Variants in ADAM12 observed in about 807,000 individuals in gnomAD.
ADAM12 encodes the protein disintegrin and metalloproteinase domain-containing protein 12.
ADAM12 carries 70 observed loss-of-function variants against 106.4 expected under a neutral mutation model. The ratio of observed to expected loss-of-function variants is 0.66; its 90% confidence interval spans 0.54 to 0.80. The LOEUF is 0.80. Among genes scored for constraint, ADAM12 ranks in the 30% least tolerant of loss-of-function variants. ADAM12 has a pLI of 0.00. For synonymous variants in ADAM12, 420 were observed against 433.5 expected (o/e 0.97, Z 0.39); for missense variants, 1,010 against 1,171.9 (o/e 0.86, Z 2.02).
intron 1 of ADAM12, among the ~76,000 whole-genome samples, chr10:126,376,416 G>A (rs920939822): frequency 6.6e-6 from 1 of 152,158 alleles, no homozygotes; most frequent in African/African-American, 2.4e-5. Flanking sequence ...TTGAAACTGA[G>A]TGATAGAAAC....
chr10:126,087,933 G>A (rs1050846834), intron 11 of ADAM12, among the ~76,000 whole-genome samples: 2 of 152,130 alleles, frequency 1.3e-5, no homozygotes, highest in Admixed American at 1.3e-4. Context: ...TTCAGGGAGC[G>A]GTCTGCCCAG....
At chr10:126,188,863 T>C (rs958549703) in intron 3 of ADAM12, among the ~76,000 whole-genome samples, 1 of 152,186 alleles carries the variant, frequency 6.6e-6, no homozygotes, top group Admixed American at 6.5e-5. Flanking sequence ...TCCATTCATC[T>C]ATTTGTCGCC....
intron 2 of ADAM12, among the ~76,000 whole-genome samples, chr10:126,291,048 C>CA (rs1031146202): frequency 2.0e-5 from 3 of 152,182 alleles, no homozygotes; most frequent in Non-Finnish European, 2.9e-5. Flanking sequence ...CCTTCTAAGA[C>CA]ACAGCCAGTG....
rs541483140 is a variant in ADAM12, at chr10:126,152,248, G to A, written c.339+2979C>T. Among the ~76,000 whole-genome samples the A allele has an allele frequency of 3.9e-3, 592 of 152,124 alleles. 10 individuals are homozygous for A. The highest frequency in any genetic ancestry group is 0.017 in the Middle Eastern group (5 of 294). ...TGGTAACCTTCTAGGAACCAAACAA[G>A]TTTTAGCCCATAATGTCTAATCTTT... On this transcript the variant is annotated intron_variant, in intron 4 of 22. Transcript: ENST00000448723.
chr10:126,113,708 ATATATATATATATATATATAT>A (rs1955923593), intron 6 of ADAM12, among the ~76,000 whole-genome samples: 1 of 90,280 alleles, frequency 1.1e-5, no homozygotes, highest in Admixed American at 1.3e-4. Flanking sequence ...ATATATATAT[ATATATATATATATATATATAT>A]ATAATATATT....
intron 2 of ADAM12, among the ~76,000 whole-genome samples, chr10:126,289,349 G>A (rs572325066): frequency 2.0e-5 from 3 of 152,242 alleles, no homozygotes; most frequent in Non-Finnish European, 4.4e-5. Flanking sequence ...AGAAGGCCGA[G>A]GCCGGGATGA....
chr10:126,176,021 G>A (rs760677997), intron 3 of ADAM12, among the ~76,000 whole-genome samples: 6 of 152,150 alleles, frequency 3.9e-5, no homozygotes, highest in Non-Finnish European at 7.3e-5. Context: ...ATAAAGAAAG[G>A]CTGCCTCGCC....
intron 1 of ADAM12, among the ~76,000 whole-genome samples, chr10:126,341,460 T>C (rs1183539693): frequency 6.6e-6 from 1 of 152,222 alleles, no homozygotes; most frequent in East Asian, 1.9e-4. Context: ...GATTGACTTT[T>C]AGCTCACCCT....
At chr10:126,254,400 G>C (rs76554991) in intron 3 of ADAM12, among the ~76,000 whole-genome samples, 8,808 of 152,236 alleles carry the variant, frequency 0.058, 352 homozygotes, top group Middle Eastern at 0.14. Flanking sequence ...GTCAGCTGTC[G>C]GCATTGTCAC....
At chr10:126,215,671 C>T (rs1215411050) in intron 3 of ADAM12, among the ~76,000 whole-genome samples, 4 of 152,152 alleles carry the variant, frequency 2.6e-5, no homozygotes, top group African/African-American at 4.8e-5. Context: ...GAGGGCAGAA[C>T]TCAATGAGGA....
rs1953644790 is a variant in ADAM12, at chr10:126,015,390, T to A, written c.*1889A>T. On this transcript the variant is annotated 3_prime_UTR_variant, in exon 23 of 23. Coordinates refer to ENST00000448723, the MANE Select transcript of ADAM12 (RefSeq NM_001288973.2). Reference sequence around the variant, plus strand: ...AATTCTGTAAACCTTTTTAATAGTATATATATGTTTGGCTTTAGTACAATT... The same window carrying A: ...AATTCTGTAAACCTTTTTAATAGTAAATATATGTTTGGCTTTAGTACAATT... 6.6e-6 allele frequency: 1 copy of A among 152,228 alleles called. No individual in the cohort carries two copies. The highest frequency in any genetic ancestry group is 2.1e-4 in the South Asian group (1 of 4,832). 9.4% of individuals were successfully genotyped at this position (152,228 alleles called of 1,614,324 possible).
rs1590705237 is a variant in ADAM12 at position 126,265,508 on chromosome 10, C to T, written c.260+13407G>A. 3.3e-5 allele frequency among the ~76,000 whole-genome samples: 5 copies of T among 152,262 alleles called. No homozygotes were observed. The South Asian group carries it at 8.3e-4, about 25-fold the overall frequency. On this transcript the variant is annotated intron_variant, in intron 3 of 22. Transcript: ENST00000448723. ...CAGTGGTCAACCTGTCATCACAAAA[C>T]AAGACAATCAGAGGTCACAGAACTA...
At chr10:126,234,974 C>G (rs1241831950) in intron 3 of ADAM12, among the ~76,000 whole-genome samples, 1 of 152,222 alleles carries the variant, frequency 6.6e-6, no homozygotes, top group African/African-American at 2.4e-5. Flanking sequence ...TCTCCCAGGT[C>G]TGATGCTGCA....
intron 2 of ADAM12, among the ~76,000 whole-genome samples, chr10:126,301,011 T>C (rs1960598564): frequency 6.6e-6 from 1 of 152,208 alleles, no homozygotes; most frequent in South Asian, 2.1e-4. Context: ...CTTGGGGCGA[T>C]TTTGCCCCCC....
chr10:126,025,026 C>T (rs1318887419), intron 21 of ADAM12, among the ~76,000 whole-genome samples: 2 of 152,036 alleles, frequency 1.3e-5, no homozygotes, highest in Non-Finnish European at 2.9e-5. Flanking sequence ...CAGAAAACAA[C>T]AATAACCCCA....
chr10:126,164,586 A>C (rs915270803), intron 3 of ADAM12, among the ~76,000 whole-genome samples: 6 of 152,272 alleles, frequency 3.9e-5, no homozygotes, highest in African/African-American at 7.2e-5. Flanking sequence ...AATAAAGATC[A>C]TAATTAAAAA....
chr10:126,055,741 T>C (rs1047314362), intron 14 of ADAM12, among the ~76,000 whole-genome samples: 5 of 152,232 alleles, frequency 3.3e-5, no homozygotes, highest in Non-Finnish European at 7.3e-5. Context: ...TATTCTCCTG[T>C]AATCCAGCTG....
Position 126,035,620 on chromosome 10 carries a change from G to A in ADAM12, c.2529+526C>T, listed in dbSNP as rs1051243573. Among the ~76,000 whole-genome samples the A allele has an allele frequency of 5.9e-5, 9 of 152,000 alleles. No individual in the cohort carries two copies. The East Asian group carries it at 1.3e-3, about 23-fold the overall frequency. ...AGTTTTCTATTGTGAAATATCATTC[G>A]TTATTGCAGCAAACAGAAATGGTTA... On this transcript the variant is annotated intron_variant, in intron 21 of 22. Coordinates refer to ENST00000448723, the MANE Select transcript of ADAM12 (RefSeq NM_001288973.2).
At chr10:126,179,997 G>T (rs888538594) in intron 3 of ADAM12, among the ~76,000 whole-genome samples, 1 of 152,054 alleles carries the variant, frequency 6.6e-6, no homozygotes, top group Non-Finnish European at 1.5e-5. Flanking sequence ...AAAACCCAAC[G>T]TATTCTTCAA....
Sources: allele counts gnomAD v4.1 joint callset (sites outside exome capture counted in the v4.1 genomes callset), GRCh38; gene constraint gnomAD v4.1.1; transcripts MANE v1.5; gene names NCBI Gene and HGNC (gene_info 2026-07-23, HGNC 2026-07-21).